PRKRIP1: variants seen among roughly 807,000 people sequenced by gnomAD.
PRKRIP1 encodes the protein PRKR interacting protein 1, also known as PRKR-interacting protein 1.
Under a neutral mutation model 29.3 loss-of-function variants are expected in PRKRIP1, and 29 were observed. The ratio of observed to expected loss-of-function variants is 0.99; its 90% confidence interval spans 0.74 to 1.35. The LOEUF is 1.35. PRKRIP1 is among the 40% of genes most tolerant of loss of function. PRKRIP1 has a pLI of 0.00. For synonymous variants in PRKRIP1, 90 were observed against 85.1 expected (o/e 1.06, Z -0.32); for missense variants, 247 against 236.8 (o/e 1.04, Z -0.28).
chr7:102,425,023 A>G lies in PRKRIP1; in HGVS notation c.467A>G (p.Gln156Arg), dbSNP rs781862435. ...TGTCGTGTGGTTACAGGACCCGGTC[A>G]GCCCAAGGAGCAGGGGTCCAGCAGC... is the stretch of plus-strand genomic sequence containing the variant. ...LEQKKQEGPGQPKEQGSSSSA... is the reference protein window; with the variant it reads ...LEQKKQEGPGRPKEQGSSSSA... Residue 156 changes from glutamine to arginine, a missense_variant, in exon 6 of 6, where the codon CAG becomes CGG. Gln to Arg is a conservative substitution (Grantham distance 43). Transcript: ENST00000397912. The G allele has an allele frequency of 3.1e-6, 5 of 1,612,314 alleles. No individual in the cohort carries two copies. The highest frequency in any genetic ancestry group is 4.2e-6 in the Non-Finnish European group (5 of 1,179,498).
intron 5 of PRKRIP1, among the ~76,000 whole-genome samples, chr7:102,408,283 C>CA (rs148389990): frequency 0.073 from 11,134 of 152,200 alleles, 442 homozygotes; most frequent in African/African-American, 0.093. Context: ...GATACTAGGT[C>CA]TCTTTGCCAT....
At chr7:102,418,477 T>C (rs1554573390) in intron 5 of PRKRIP1, among the ~76,000 whole-genome samples, 1 of 152,222 alleles carries the variant, frequency 6.6e-6, no homozygotes, top group Non-Finnish European at 1.5e-5. Flanking sequence ...GAAATTTACC[T>C]GTGTACTCCA....
chr7:102,425,268 CAGGTT>C lies in PRKRIP1; in HGVS notation c.*158_*162del. On this transcript the variant is annotated 3_prime_UTR_variant, in exon 6 of 6. Transcript: ENST00000397912. The stretch of plus-strand genomic sequence containing the variant: ...GAGCCGCTCACAGTCCTGTATTTGG[CAGGTT>C]TGGGAGCCTGAGGGGCCATCTCCCT... The C allele has an allele frequency of 6.8e-7, 1 of 1,468,022 alleles. No homozygotes were observed. Among genetic ancestry groups the C allele is most frequent in the South Asian group, 1.3e-5 (1 of 78,966 alleles). The allele number at this position is 1,468,022 out of a possible 1,614,324, so 90.9% of individuals were successfully genotyped here.
intron 5 of PRKRIP1, among the ~76,000 whole-genome samples, chr7:102,413,785 A>G (rs1356727063): frequency 1.3e-5 from 2 of 152,076 alleles, no homozygotes; most frequent in Admixed American, 6.6e-5. Flanking sequence ...ACTTACAAGG[A>G]TTTTTTTCTA....
rs782596621 is a variant in PRKRIP1 at position 102,407,462 on chromosome 7, G to T, written c.421G>T (p.Ala141Ser). 1.2e-6 allele frequency: 2 copies of T among 1,612,840 alleles called. No homozygotes were observed. The highest frequency in any genetic ancestry group is 1.6e-4 in the Middle Eastern group (1 of 6,062). ...GAAGTTAAAAGAGAAGAAATTACTG[G>T]CAAAGAAGATGAAACTTGAACAGAA... Reference protein sequence around the residue: ...RQKLKEKKLLAKKMKLEQKKQ... With the variant: ...RQKLKEKKLLSKKMKLEQKKQ... Residue 141 changes from alanine (A) to serine (S), a missense_variant, in exon 5 of 6, where the codon GCA (alanine) becomes TCA (serine). Physicochemically the swap from Ala to Ser is moderately conservative, Grantham distance 99. Coordinates refer to ENST00000397912, the MANE Select transcript of PRKRIP1 (RefSeq NM_024653.4).
At chr7:102,396,862 A>G (rs1795914924) in intron 1 of PRKRIP1, among the ~76,000 whole-genome samples, 1 of 152,184 alleles carries the variant, frequency 6.6e-6, no homozygotes, top group Non-Finnish European at 1.5e-5. Flanking sequence ...GCAAAAGGGT[A>G]TACTCTAAAC....
chr7:102,404,533 T>C, intron 3 of PRKRIP1, 65 bp from the exon 4 acceptor site: 1 of 1,397,202 alleles, frequency 7.2e-7, no homozygotes. Context: ...CTACTTTGCC[T>C]GAGCAAAACC....
intron 4 of PRKRIP1, among the ~76,000 whole-genome samples, chr7:102,405,345 A>G (rs913503608): frequency 1.3e-4 from 20 of 152,212 alleles, no homozygotes; most frequent in Non-Finnish European, 2.9e-5. Flanking sequence ...TTATATGTGT[A>G]TCTGTGTGTT....
At chr7:102,424,964 G>T in intron 5 of PRKRIP1, 50 bp from the exon 6 acceptor site, 1 of 1,582,846 alleles carries the variant, frequency 6.3e-7, no homozygotes, top group South Asian at 1.1e-5. Flanking sequence ...AAGCACCCTT[G>T]ACCCTGAACG....
At chr7:102,418,022 T>TTTCTTCTTC (rs139908003) in intron 5 of PRKRIP1, among the ~76,000 whole-genome samples, 1 of 141,166 alleles carries the variant, frequency 7.1e-6, no homozygotes, top group African/African-American at 2.6e-5. Context: ...TGGCTGCTGC[T>TTTCTTCTTC]TTCTTCTTCT....
At chr7:102,402,593 A>G (rs1796102648) in intron 3 of PRKRIP1, among the ~76,000 whole-genome samples, 1 of 152,168 alleles carries the variant, frequency 6.6e-6, no homozygotes, top group Non-Finnish European at 1.5e-5. Context: ...GTTTTTATGT[A>G]TTGATTCAAG....
chr7:102,409,862 A>G (rs1239386963), intron 5 of PRKRIP1, among the ~76,000 whole-genome samples: 1 of 152,034 alleles, frequency 6.6e-6, no homozygotes, highest in Non-Finnish European at 1.5e-5. Context: ...TCCTTTGCTG[A>G]GTAATTTGAC....
intron 5 of PRKRIP1, among the ~76,000 whole-genome samples, chr7:102,420,202 G>A (rs568343836): frequency 6.6e-6 from 1 of 152,034 alleles, no homozygotes; most frequent in Admixed American, 6.6e-5. Flanking sequence ...GCTAGTTTTT[G>A]TGTGCACATA....
At chr7:102,405,933 A>G (rs1796205994) in intron 4 of PRKRIP1, 31 of 340,570 alleles carry the variant, frequency 9.1e-5, no homozygotes, top group South Asian at 8.1e-4. Context: ...CATTTTCTGC[A>G]TCCCGCTGGT....
chr7:102,422,572 C>T (rs181868667), intron 5 of PRKRIP1, among the ~76,000 whole-genome samples: 4 of 152,020 alleles, frequency 2.6e-5, no homozygotes, highest in African/African-American at 7.2e-5. Flanking sequence ...GAACTCCTGA[C>T]CTCAGGTGAT....
chr7:102,396,368 T>TG lies in PRKRIP1; in HGVS notation c.-43dup. 4.1e-6 allele frequency: 6 copies of TG among 1,476,338 alleles called. No individual in the cohort carries two copies. Among genetic ancestry groups the TG allele is most frequent in the Non-Finnish European group, 5.4e-6 (6 of 1,117,466 alleles). 91.5% of individuals were successfully genotyped at this position (1,476,338 alleles called of 1,614,324 possible). ...CGGCGCGCGGCTGTGTCGTCATACTTGCGCGCCGACGCCGCCGCTCGCTTG... is the reference window on the plus strand; with the variant it reads ...CGGCGCGCGGCTGTGTCGTCATACTTGGCGCGCCGACGCCGCCGCTCGCTTG... On this transcript the variant is annotated 5_prime_UTR_variant, in exon 1 of 6. Transcript: ENST00000397912.
At chr7:102,404,382 A>G in intron 3 of PRKRIP1, 1 of 519,892 alleles carries the variant, frequency 1.9e-6, no homozygotes, top group Non-Finnish European at 3.5e-6. Flanking sequence ...GCCTCAGTCA[A>G]CTAAAAGAGT....
At chr7:102,403,045 T>C in intron 3 of PRKRIP1, among the ~76,000 whole-genome samples, 1 of 152,030 alleles carries the variant, frequency 6.6e-6, no homozygotes, top group East Asian at 1.9e-4. Flanking sequence ...TGGCTAATTT[T>C]TGTGTTTTTA....
At chr7:102,398,991 G>T (rs1412526501) in intron 2 of PRKRIP1, among the ~76,000 whole-genome samples, 2 of 152,142 alleles carry the variant, frequency 1.3e-5, no homozygotes, top group Non-Finnish European at 2.9e-5. Flanking sequence ...GCATAGTGGT[G>T]CATGCCTCTG....
Sources: gnomAD v4.1 joint callset for allele counts (sites outside exome capture counted in the v4.1 genomes callset) on GRCh38, gnomAD v4.1.1 for gene constraint, MANE v1.5 for transcripts, NCBI Gene and HGNC (gene_info 2026-07-23, HGNC 2026-07-21) for gene names.